DNAAF6: variants seen among roughly 807,000 people sequenced by gnomAD.
DNAAF6 encodes PIH1 domain containing 3.
DNAAF6 carries 3 observed loss-of-function variants against 13.7 expected under a neutral mutation model. The observed-to-expected ratio is 0.22, with a 90% CI of 0.10 to 0.56. The LOEUF is 0.56. Among genes scored for constraint, DNAAF6 ranks in the 20% least tolerant of loss-of-function variants. The probability of loss-of-function intolerance (pLI) is 0.92; values close to 1 mark genes in which losing one functional copy is unlikely to be tolerated. For missense variants in DNAAF6, 130 were observed against 151.0 expected, an observed-to-expected ratio of 0.86 and a Z score of 0.73; for synonymous variants, 54 against 49.2, an observed-to-expected ratio of 1.10 and a Z score of -0.41.
At chrX:107,234,969 G>A (rs1427249487) in intron 5 of DNAAF6, among the ~76,000 whole-genome samples, 2 of 111,744 alleles carry the variant, frequency 1.8e-5, no homozygotes, top group South Asian at 3.8e-4. Context: ...ATAAGAACAC[G>A]ACAGGAAAGA....
In DNAAF6 at chrX:107,239,022, G is replaced by C; in HGVS notation, c.515+15G>C. 1 of 1,192,487 alleles carries C rather than the reference G, an allele frequency of 8.4e-7. No individual in the cohort carries two copies. The highest frequency in any genetic ancestry group is 1.1e-6 in the Non-Finnish European group (1 of 889,465). On this transcript the variant is annotated intron_variant, in intron 6 of 6. Transcript: ENST00000372453. ...ACTCCTCAGAAGTGAGTAAAACTTA[G>C]AACTGGAATAGTGTATTATAATATT...
At chrX:107,210,892 T>A (rs983846505) in intron 1 of DNAAF6, among the ~76,000 whole-genome samples, 1 of 111,330 alleles carries the variant, frequency 9.0e-6, no homozygotes, top group Non-Finnish European at 1.9e-5. Flanking sequence ...GGACAGAAAA[T>A]TACGTTGGGA....
chrX:107,225,184 A>G (rs149033386), intron 5 of DNAAF6, among the ~76,000 whole-genome samples: 2,174 of 110,269 alleles, frequency 0.02, 58 homozygotes, highest in African/African-American at 0.068. Context: ...AAAAGCTTGT[A>G]GCTTTTATTT....
At chrX:107,221,041 G>A (rs1928125721) in intron 4 of DNAAF6, among the ~76,000 whole-genome samples, 1 of 106,268 alleles carries the variant, frequency 9.4e-6, no homozygotes, top group African/African-American at 3.5e-5. Context: ...GTGTGATCTC[G>A]GCTCACTGCA....
intron 5 of DNAAF6, among the ~76,000 whole-genome samples, chrX:107,232,413 A>G (rs1265288312): frequency 9.0e-6 from 1 of 111,199 alleles, no homozygotes; most frequent in East Asian, 2.8e-4. Context: ...TAGATGCATG[A>G]CTCCTCTCCC....
chrX:107,221,833 A>G (rs1438924010), intron 4 of DNAAF6, among the ~76,000 whole-genome samples: 1 of 109,959 alleles, frequency 9.1e-6, no homozygotes, highest in Non-Finnish European at 1.9e-5. Flanking sequence ...CCTATTGGCA[A>G]ATGGTCAGAA....
At chrX:107,231,201 G>A (rs909800666) in intron 5 of DNAAF6, among the ~76,000 whole-genome samples, 6 of 111,365 alleles carry the variant, frequency 5.4e-5, no homozygotes, top group South Asian at 3.8e-4. Context: ...ATTATGTTAC[G>A]TGAAATAAGC....
chrX:107,226,125 T>C (rs1928250462), intron 5 of DNAAF6, among the ~76,000 whole-genome samples: 1 of 112,057 alleles, frequency 8.9e-6, no homozygotes, highest in South Asian at 3.7e-4. Context: ...AAGATGCTGA[T>C]CTAATTTCTC....
chrX:107,238,972 C>T lies in DNAAF6; in HGVS notation c.480C>T (p.Ile160=). 2 of 1,210,067 alleles carry T rather than the reference C, an allele frequency of 1.7e-6. No homozygotes were observed. Among genetic ancestry groups the T allele is most frequent in the Non-Finnish European group, 2.2e-6 (2 of 894,832 alleles). Residue 160 remains isoleucine, a synonymous_variant, in exon 6 of 7, where the codon ATC becomes ATT. Coordinates refer to ENST00000372453, the MANE Select transcript of DNAAF6 (RefSeq NM_173494.2). ...ACCCTTCTGATATTCAAATTGATAT[C>T]CAGGAAACAATCCTTGACCTTCGTA... ...NTNPSDIQID[I]QETILDLRTP... is the part of the protein sequence containing the mutation.
In DNAAF6 at chrX:107,243,345, T is replaced by C; in HGVS notation, c.*47T>C. On this transcript the variant is annotated 3_prime_UTR_variant, in exon 7 of 7. Coordinates refer to ENST00000372453, the MANE Select transcript of DNAAF6 (RefSeq NM_173494.2). ...AGTAGTAAAATGGCATTGGTAACAATTAAAAAACTTTGAAAAAAATGATTG... is the reference window on the plus strand; with the variant it reads ...AGTAGTAAAATGGCATTGGTAACAACTAAAAAACTTTGAAAAAAATGATTG... 8.6e-7 allele frequency: 1 copy of C among 1,159,059 alleles called. No individual in the cohort carries two copies. The highest frequency in any genetic ancestry group is 1.2e-6 in the Non-Finnish European group (1 of 869,079).
Position 107,218,923 on chromosome X carries a change from G to C in DNAAF6, c.286G>C (p.Glu96Gln). Reference protein sequence around the residue: ...EDIWNSEEIPEGAEYDDMWDV... With the variant: ...EDIWNSEEIPQGAEYDDMWDV... Reference sequence around the variant, plus strand: ...CATCTGGAATTCAGAAGAGATTCCAGAAGGAGCAGAATATGATGATATGTG... The same window carrying C: ...CATCTGGAATTCAGAAGAGATTCCACAAGGAGCAGAATATGATGATATGTG... Residue 96 changes from glutamate (E) to glutamine (Q), a missense_variant, in exon 4 of 7, where the codon GAA becomes CAA. Glu to Gln is a conservative substitution (Grantham distance 29, BLOSUM62 2). Transcript: ENST00000372453. 2 of 1,193,565 alleles carry C rather than the reference G, an allele frequency of 1.7e-6. No individual in the cohort carries two copies. The highest frequency in any genetic ancestry group is 1.8e-5 in the African/African-American group (1 of 56,510).
chrX:107,212,251 T>C (rs1927873365), intron 1 of DNAAF6, among the ~76,000 whole-genome samples: 2 of 111,084 alleles, frequency 1.8e-5, no homozygotes, highest in South Asian at 7.9e-4. Flanking sequence ...TGTGGGTACC[T>C]AGGTGACACG....
At chrX:107,218,808 C>A in intron 3 of DNAAF6, 56 bp from the exon 4 acceptor site, 1 of 1,099,238 alleles carries the variant, frequency 9.1e-7, no homozygotes, top group East Asian at 3.2e-5. Flanking sequence ...AGAACAGGAG[C>A]AATTTAGAGA....
chrX:107,208,524 T>C (rs1927772048), intron 1 of DNAAF6, among the ~76,000 whole-genome samples: 1 of 107,774 alleles, frequency 9.3e-6, no homozygotes. Context: ...GAGGAAATAT[T>C]AAATCAAAAG....
Position 107,219,053 on chromosome X carries a change from T to C in DNAAF6, c.332+84T>C, listed in dbSNP as rs1250257218. 4.0e-6 allele frequency: 4 copies of C among 1,003,262 alleles called. No individual in the cohort carries two copies. The East Asian group carries it at 1.2e-4, about 30-fold the overall frequency. 82.7% of individuals were successfully genotyped at this position (1,003,262 alleles called of 1,213,427 possible). A position where few individuals can be genotyped will look rare whatever the true frequency, so the allele number is the denominator to read the frequency against. ...AACATTTTACTTTTTACAAGATTCA[T>C]AAAGTAACATACCACATAAAAGATA... On this transcript the variant is annotated intron_variant, in intron 4 of 6. Coordinates refer to ENST00000372453, the MANE Select transcript of DNAAF6 (RefSeq NM_173494.2).
intron 1 of DNAAF6, among the ~76,000 whole-genome samples, chrX:107,207,836 C>T (rs1643649691): frequency 9.0e-6 from 1 of 110,560 alleles, no homozygotes; most frequent in Admixed American, 9.5e-5. Flanking sequence ...GGAGAATCAC[C>T]TGAGCCCTGG....
intron 2 of DNAAF6, among the ~76,000 whole-genome samples, chrX:107,215,816 C>T (rs1258425023): frequency 9.0e-6 from 1 of 111,604 alleles, no homozygotes; most frequent in East Asian, 2.8e-4. Context: ...TTTTTGACTG[C>T]CAGCAGTGGA....
intron 5 of DNAAF6, among the ~76,000 whole-genome samples, chrX:107,229,125 C>CTTT (rs1569375032): frequency 1.7e-5 from 1 of 57,796 alleles, no homozygotes; most frequent in African/African-American, 1.3e-4. Flanking sequence ...CTGTTGACTA[C>CTTT]TCTTTTTTTT....
At chrX:107,222,567 C>A (rs1928169895) in intron 4 of DNAAF6, among the ~76,000 whole-genome samples, 178 bp from the exon 5 acceptor site, 1 of 111,710 alleles carries the variant, frequency 9.0e-6, no homozygotes, top group Non-Finnish European at 1.9e-5. Flanking sequence ...ATTTTGACCA[C>A]ATTTCTAGAC....
Sources: allele counts gnomAD v4.1 joint callset (sites outside exome capture counted in the v4.1 genomes callset), GRCh38; gene constraint gnomAD v4.1.1; transcripts MANE v1.5; gene names NCBI Gene and HGNC (gene_info 2026-07-23, HGNC 2026-07-21).